Variants in TAF2 observed in about 807,000 individuals in gnomAD.
TAF2 encodes TATA-box binding protein associated factor 2, also known as transcription initiation factor TFIID subunit 2.
A neutral mutation model predicts 138.5 loss-of-function variants in TAF2; 61 were observed. That is an observed-to-expected ratio of 0.44 (90% CI 0.36 to 0.54). TAF2 has a LOEUF of 0.54. TAF2 is among the 20% of genes least tolerant of loss of function. The probability of loss-of-function intolerance (pLI) is 0.00; values close to 1 mark genes in which losing one functional copy is unlikely to be tolerated. For missense variants in TAF2, 1,090 were observed against 1,427.9 expected, an observed-to-expected ratio of 0.76 and a Z score of 3.81; for synonymous variants, 475 against 469.9, an observed-to-expected ratio of 1.01 and a Z score of -0.14.
In TAF2 at chr8:119,744,278, C is replaced by CTAATCT; in HGVS notation, c.3214+4_3214+9dup. ...CCATCTCCTCAATGATTGCAGAATA[C>CTAATCT]TAATCTTACCTGGAGTTGACGGCCT... On this transcript the variant is annotated intron_variant, in intron 24 of 25. Transcript: ENST00000378164. 1 of 1,611,458 alleles carries CTAATCT rather than the reference C, an allele frequency of 6.2e-7. No homozygotes were observed.
At chr8:119,741,543 A>G (rs1819601672) in intron 25 of TAF2, among the ~76,000 whole-genome samples, 1 of 152,190 alleles carries the variant, frequency 6.6e-6, no homozygotes, top group Non-Finnish European at 1.5e-5. Context: ...ATCTATTCCA[A>G]TAAATGCACA....
At chr8:119,784,845 G>T (rs1048085903) in intron 15 of TAF2, among the ~76,000 whole-genome samples, 1 of 152,116 alleles carries the variant, frequency 6.6e-6, no homozygotes, top group South Asian at 2.1e-4. Context: ...TGTAGTACTG[G>T]ATCAGAAACT....
At chr8:119,799,028 A>G (rs1824037545) in intron 6 of TAF2, among the ~76,000 whole-genome samples, 1 of 152,220 alleles carries the variant, frequency 6.6e-6, no homozygotes, top group Non-Finnish European at 1.5e-5. Context: ...GACACAGAGA[A>G]GACTAAGTCA....
intron 23 of TAF2, 168 bp from the exon 24 acceptor site, chr8:119,744,561 T>G: frequency 1.5e-6 from 1 of 657,056 alleles, no homozygotes; most frequent in East Asian, 2.8e-5. Flanking sequence ...AAGAAAAGAT[T>G]ATGTGGTCCA....
intron 3 of TAF2, among the ~76,000 whole-genome samples, chr8:119,814,295 G>T (rs1484093881): frequency 6.6e-6 from 1 of 151,866 alleles, no homozygotes; most frequent in Non-Finnish European, 1.5e-5. Context: ...AAACCAACTG[G>T]CAGTGCAGCA....
intron 7 of TAF2, 80 bp downstream of exon 7, chr8:119,797,582 T>TA: frequency 6.9e-7 from 1 of 1,444,978 alleles, no homozygotes; most frequent in Non-Finnish European, 9.6e-7. Flanking sequence ...AAGCTCGTCT[T>TA]AAAATTGACC....
At chr8:119,738,166 T>C (rs1407407618) in intron 25 of TAF2, among the ~76,000 whole-genome samples, 1 of 151,976 alleles carries the variant, frequency 6.6e-6, no homozygotes, top group Non-Finnish European at 1.5e-5. Context: ...TTTTTCTCTC[T>C]CTATATATGT....
chr8:119,810,962 T>A (rs1825012348), intron 3 of TAF2, among the ~76,000 whole-genome samples: 1 of 152,240 alleles, frequency 6.6e-6, no homozygotes, highest in African/African-American at 2.4e-5. Context: ...TCAAATAATC[T>A]GATGGTTTAG....
chr8:119,816,375 A>G (rs548552485), intron 3 of TAF2, among the ~76,000 whole-genome samples: 1 of 152,158 alleles, frequency 6.6e-6, no homozygotes, highest in South Asian at 2.1e-4. Context: ...CACTCTTTCA[A>G]TCAAAAATAG....
At chr8:119,823,461 G>T (rs749532387) in intron 2 of TAF2, among the ~76,000 whole-genome samples, 2 of 151,382 alleles carry the variant, frequency 1.3e-5, no homozygotes, top group Admixed American at 6.6e-5. Flanking sequence ...TTTGAAAAAC[G>T]GGAATTTTTC....
chr8:119,758,037 T>C (rs771269828), intron 21 of TAF2, 36 bp downstream of exon 21: 8 of 1,569,990 alleles, frequency 5.1e-6, no homozygotes, highest in Non-Finnish European at 5.3e-6. Context: ...CTATAGGACT[T>C]ACAAAATATC....
At chr8:119,758,890 T>A (rs1053974890) in intron 20 of TAF2, among the ~76,000 whole-genome samples, 5 of 152,180 alleles carry the variant, frequency 3.3e-5, no homozygotes, top group African/African-American at 4.8e-5. Flanking sequence ...ATTATATTCA[T>A]AGTTCACATT....
chr8:119,773,664 A>T (rs1435985564), intron 18 of TAF2, among the ~76,000 whole-genome samples: 1 of 151,488 alleles, frequency 6.6e-6, no homozygotes, highest in African/African-American at 2.4e-5. Context: ...AAACCTCTCA[A>T]ATTCAATAAG....
At chr8:119,736,287 A>G (rs536069451) in intron 25 of TAF2, among the ~76,000 whole-genome samples, 1 of 152,352 alleles carries the variant, frequency 6.6e-6, no homozygotes, top group Admixed American at 6.5e-5. Flanking sequence ...AAGTCTACTA[A>G]GAAGACAATG....
intron 18 of TAF2, among the ~76,000 whole-genome samples, chr8:119,769,734 G>T (rs534569534): frequency 2.0e-5 from 3 of 151,294 alleles, no homozygotes; most frequent in African/African-American, 7.3e-5. Flanking sequence ...CTTGAAGACT[G>T]GTCTTTCGAA....
intron 22 of TAF2, among the ~76,000 whole-genome samples, chr8:119,749,905 T>C (rs1295129575): frequency 6.6e-6 from 1 of 152,218 alleles, no homozygotes; most frequent in Non-Finnish European, 1.5e-5. Flanking sequence ...CCTGTCTTCA[T>C]TAGCAGTTAT....
At chr8:119,821,415 T>C (rs1825801628) in intron 2 of TAF2, among the ~76,000 whole-genome samples, 1 of 152,204 alleles carries the variant, frequency 6.6e-6, no homozygotes, top group African/African-American at 2.4e-5. Flanking sequence ...CTCTCTACCC[T>C]CTTGCCTTAA....
rs1484325798 is a variant in TAF2 at position 119,760,608 on chromosome 8, A to G, written c.2689T>C (p.Tyr897His). The change falls in exon 20 of 26, where the codon TAT (tyrosine) becomes CAT (histidine). Residue 897 changes from tyrosine (Y) to histidine (H), a missense_variant. Tyr to His is a moderately conservative substitution (Grantham distance 83, BLOSUM62 2). This residue lies in a region of TAF2 where 580 missense variants were observed against 719.6 expected (regional missense o/e 0.81). Coordinates refer to ENST00000378164, the MANE Select transcript of TAF2 (RefSeq NM_003184.4). ...ATTTCTAAAGTATTACCTTTAGTAT[A>G]ATCAACAACTGCTTCCAAAGCTGCT... ...RIAALEAVVD[Y>H]TKVDRSYEEL... 2 of 1,613,312 alleles carry G rather than the reference A, an allele frequency of 1.2e-6. No homozygotes were observed.
At chr8:119,829,788 G>T (rs917434606) in intron 2 of TAF2, among the ~76,000 whole-genome samples, 1 of 151,446 alleles carries the variant, frequency 6.6e-6, no homozygotes, top group Non-Finnish European at 1.5e-5. Flanking sequence ...GGTCATCAGT[G>T]ATTAAAAAGG....
Sources: gnomAD v4.1 joint callset for allele counts (sites outside exome capture counted in the v4.1 genomes callset) on GRCh38, gnomAD v4.1.1 for gene constraint, gnomAD v4.1.1 regional missense constraint, MANE v1.5 for transcripts, NCBI Gene and HGNC (gene_info 2026-07-23, HGNC 2026-07-21) for gene names.